MYO15B: variants seen among roughly 807,000 people sequenced by gnomAD.
MYO15B encodes the protein myosin XVB pseudogene.
A neutral mutation model predicts 119.3 loss-of-function variants in MYO15B; 207 were observed. The observed-to-expected ratio is 1.73, with a 90% confidence interval of 1.55 to 1.95. MYO15B has a LOEUF of 1.95. MYO15B is among the 30% of genes most tolerant of loss of function. The pLI is 0.00. For synonymous variants in MYO15B, 966 were observed against 498.9 expected (o/e 1.94, Z -12.48); for missense variants, 2,264 against 1,203.1 (o/e 1.88, Z -13.04).
At chr17:75,610,398 T>A in intron 22 of MYO15B, 139 bp downstream of exon 22, 1 of 541,344 alleles carries the variant, frequency 1.8e-6, no homozygotes, top group Non-Finnish European at 3.3e-6. Context: ...CTCCTTGAAC[T>A]CATCCCTTTT....
At chr17:75,621,130 A>G in exon 50 of MYO15B, 1 of 702,240 alleles carries the variant, frequency 1.4e-6, no homozygotes, top group Non-Finnish European at 2.6e-6. Context: ...CCACAGCTAC[A>G]CCATGCAGGA....
intron 43 of MYO15B, 91 bp downstream of exon 43, chr17:75,618,276 C>G (rs1162231316): frequency 1.5e-6 from 1 of 684,220 alleles, no homozygotes; most frequent in Non-Finnish European, 2.7e-6. Context: ...GTTAACACCA[C>G]GTAGGGCATG....
Position 75,613,309 on chromosome 17 carries a change from GC to G in MYO15B, c.4989del (p.Arg1664GlyfsTer108). ...GCCCTGCAGGTTCGTGTCTGACCAG[GC>G]CCCCAGGGGCATGGCAGCGCTGTGC... is the stretch of plus-strand genomic sequence containing the variant. On this transcript the variant is annotated frameshift_variant, in exon 28 of 64. Transcript: ENST00000645453. LOFTEE classifies it high-confidence loss of function. 2 of 670,648 alleles carry G rather than the reference GC, an allele frequency of 3.0e-6. No individual in the cohort carries two copies. The highest frequency in any genetic ancestry group is 2.7e-6 in the Non-Finnish European group (1 of 366,496). The allele number at this position is 670,648 out of a possible 1,614,324, so 41.5% of individuals were successfully genotyped here.
At chr17:75,611,505 AG>A in intron 23 of MYO15B, 95 bp from the exon 24 acceptor site, 1 of 638,616 alleles carries the variant, frequency 1.6e-6, no homozygotes, top group South Asian at 1.6e-5. Flanking sequence ...GGTCTTTGGA[AG>A]GGATGTTTAT....
At chr17:75,590,681 C>T (rs909795839) in exon 2 of MYO15B, 10 of 185,422 alleles carry the variant, frequency 5.4e-5, no homozygotes, top group Non-Finnish European at 8.8e-5. Flanking sequence ...TCACCTGGGC[C>T]GTATCTATGT....
intron 14 of MYO15B, among the ~76,000 whole-genome samples, chr17:75,601,154 C>T (rs749034689): frequency 3.9e-5 from 6 of 151,964 alleles, no homozygotes; most frequent in African/African-American, 9.7e-5. Flanking sequence ...CTGCCTGTCT[C>T]GGCCTCCCAA....
chr17:75,604,597 C>T (rs936039798), intron 19 of MYO15B, among the ~76,000 whole-genome samples: 49 of 131,266 alleles, frequency 3.7e-4, no homozygotes, highest in African/African-American at 5.6e-5. Context: ...TGTTGGGTGG[C>T]GAGGAGACGA....
intron 44 of MYO15B, 37 bp from the exon 45 acceptor site, chr17:75,619,317 CTGTG>C (rs2058564056): frequency 1.4e-6 from 1 of 702,280 alleles, no homozygotes; most frequent in South Asian, 1.5e-5. Context: ...AGAGCCCCCT[CTGTG>C]TGAGCAGAGG....
rs963541472 is a variant in MYO15B at position 75,589,361 on chromosome 17, A to T, written c.1304A>T (p.His435Leu). Reference sequence around the variant, plus strand: ...GGGAAAGCGGATGAAGGGCGGGGCCACGAGCGAGGGGACGAGGGTCGGGGC... The same window carrying T: ...GGGAAAGCGGATGAAGGGCGGGGCCTCGAGCGAGGGGACGAGGGTCGGGGC... The change falls in exon 1 of 64, where the codon CAC becomes CTC. Residue 435 changes from histidine to leucine, a missense_variant. His to Leu is a moderately conservative substitution (Grantham distance 99). Coordinates refer to ENST00000645453, the Ensembl canonical transcript of MYO15B. This position sits in a 1 kb window ranked among gnomAD's most constrained non-coding sequence, Gnocchi z 4.2. 2.1e-5 allele frequency: 8 copies of T among 381,610 alleles called. No individual in the cohort carries two copies. Among genetic ancestry groups the T allele is most frequent in the Non-Finnish European group, 2.7e-5 (6 of 219,412 alleles). 23.6% of individuals were successfully genotyped at this position (381,610 alleles called of 1,614,324 possible).
At chr17:75,604,528 C>T (rs2057497295) in intron 19 of MYO15B, among the ~76,000 whole-genome samples, 1 of 131,234 alleles carries the variant, frequency 7.6e-6, no homozygotes, top group African/African-American at 2.8e-5. Context: ...CCCTTCCATG[C>T]CCCTCCCTTC....
At position 75,614,953 on chromosome 17, in the gene MYO15B, C is replaced by T. The variant is rs1323507916; in HGVS notation, c.5560-8C>T. Reference sequence around the variant, plus strand: ...TCTCACTCTGACCTGTGACCATTGTCCCTTTAGGATCTGGAACAAAGCTGG... The same window carrying T: ...TCTCACTCTGACCTGTGACCATTGTTCCTTTAGGATCTGGAACAAAGCTGG... On this transcript the variant is annotated splice_region_variant and splice_polypyrimidine_tract_variant and intron_variant, in intron 32 of 63. Transcript: ENST00000645453. 1.4e-6 allele frequency: 1 copy of T among 702,968 alleles called. No homozygotes were observed. Among genetic ancestry groups the T allele is most frequent in the African/African-American group, 1.7e-5 (1 of 57,282 alleles). 43.5% of individuals were successfully genotyped at this position (702,968 alleles called of 1,614,324 possible). A position where few individuals can be genotyped will look rare whatever the true frequency, so the allele number is the denominator to read the frequency against.
At position 75,625,858 on chromosome 17, in the gene MYO15B, C is replaced by G. The variant is rs549696331; in HGVS notation, c.8953C>G (p.Leu2985Val). The change falls in exon 62 of 64, where the codon CTG (leucine) becomes GTG (valine). Residue 2985 changes from leucine (L) to valine (V), a missense_variant. Physicochemically the swap from Leu to Val is conservative, Grantham distance 32 (BLOSUM62 1). Transcript: ENST00000645453. ...TCCACCCGCAGAGGCCATGAGCCAGCTGCCCCTCTTCGGCTACACCGTCTA... is the reference window on the plus strand; with the variant it reads ...TCCACCCGCAGAGGCCATGAGCCAGGTGCCCCTCTTCGGCTACACCGTCTA... The G allele has an allele frequency of 8.5e-6, 6 of 702,964 alleles. No homozygotes were observed. In the Admixed American group the frequency reaches 1.2e-4, roughly 14 times the overall value. 43.5% of individuals were successfully genotyped at this position (702,964 alleles called of 1,614,324 possible). A position where few individuals can be genotyped will look rare whatever the true frequency, so the allele number is the denominator to read the frequency against.
At chr17:75,613,592 AT>A in intron 28 of MYO15B, 112 bp from the exon 29 acceptor site, 1 of 646,580 alleles carries the variant, frequency 1.5e-6, no homozygotes, top group Non-Finnish European at 2.8e-6. Context: ...AGTGACCCTG[AT>A]CCCCCTCCCC....
chr17:75,596,831 C>G, exon 14 of MYO15B: 1 of 702,966 alleles, frequency 1.4e-6, no homozygotes, highest in South Asian at 1.5e-5. Context: ...GGAGTCCTGC[C>G]TAGACCTCCT....
chr17:75,590,527 G>A (rs550553618), intron 1 of MYO15B, 99 bp from the exon 2 acceptor site: 2 of 354,102 alleles, frequency 5.6e-6, no homozygotes, highest in African/African-American at 4.2e-5. Context: ...GCTCTGGGAA[G>A]TTGAATGACT....
chr17:75,624,599 G>C lies in MYO15B; in HGVS notation c.8502G>C (p.Gln2834His), dbSNP rs756775415. Residue 2834 changes from glutamine to histidine, a missense_variant, in exon 58 of 64, where the codon CAG becomes CAC. By Grantham distance (24) the Gln-to-His change is conservative (BLOSUM62 0). Coordinates refer to ENST00000645453, the Ensembl canonical transcript of MYO15B. ...GGCAAATGGGTATCACGGAGCCTCA[G>C]GAAGTGCAGGAATTCGCCCTCTTCC... 5 of 702,958 alleles carry C rather than the reference G, an allele frequency of 7.1e-6. No homozygotes were observed. The South Asian group carries it at 7.4e-5, about 10-fold the overall frequency. 43.5% of individuals were successfully genotyped at this position (702,958 alleles called of 1,614,324 possible). A position where few individuals can be genotyped will look rare whatever the true frequency, so the allele number is the denominator to read the frequency against.
chr17:75,616,015 G>T, intron 36 of MYO15B, 54 bp from the exon 37 acceptor site: 1 of 586,844 alleles, frequency 1.7e-6, no homozygotes, highest in Non-Finnish European at 3.0e-6. Context: ...CGAGGGGTGT[G>T]GCGAGTGTGG....
Position 75,625,142 on chromosome 17 carries a change from A to AG in MYO15B, c.8712dup (p.Lys2905GlufsTer76). 1 of 700,558 alleles carries AG rather than the reference A, an allele frequency of 1.4e-6. No individual in the cohort carries two copies. Among genetic ancestry groups the AG allele is most frequent in the Non-Finnish European group, 2.6e-6 (1 of 383,482 alleles). The allele number at this position is 700,558 out of a possible 1,614,324, so 43.4% of individuals were successfully genotyped here. ...GCACAGGTGCTGTGGGACTACCTTCAGGGGAAGCTGCCAGTCAGCGCCAAG... is the reference window on the plus strand; with the variant it reads ...GCACAGGTGCTGTGGGACTACCTTCAGGGGGAAGCTGCCAGTCAGCGCCAAG... On this transcript the variant is annotated frameshift_variant, in exon 60 of 64. Transcript: ENST00000645453. LOFTEE classifies it high-confidence loss of function.
chr17:75,612,281 C>T (rs1365571098), intron 25 of MYO15B, among the ~76,000 whole-genome samples: 3 of 152,312 alleles, frequency 2.0e-5, no homozygotes, highest in East Asian at 1.9e-4. Context: ...GTTGTACCTG[C>T]GGTAGTGCCC....
Sources: gnomAD v4.1 joint callset for allele counts (sites outside exome capture counted in the v4.1 genomes callset) on GRCh38, gnomAD v4.1.1 for gene constraint, Gnocchi (gnomAD v3.1) non-coding constraint, MANE v1.5 for transcripts, NCBI Gene and HGNC (gene_info 2026-07-23, HGNC 2026-07-21) for gene names.